Variants in ADGRE3 observed in about 807,000 individuals in gnomAD.
ADGRE3 encodes the protein EGF-like module receptor 3.
ADGRE3 carries 88 observed loss-of-function variants against 80.1 expected under a neutral mutation model. The ratio of observed to expected loss-of-function variants is 1.10; its 90% CI spans 0.93 to 1.31. The LOEUF (loss-of-function observed/expected upper bound fraction) is 1.31. ADGRE3 is among the 40% of genes most tolerant of loss of function. The pLI is 0.00. For missense variants in ADGRE3, 715 were observed against 776.5 expected (o/e 0.92, Z 0.94); for synonymous variants, 281 against 294.8 (o/e 0.95, Z 0.48).
intron 11 of ADGRE3, 93 bp from the exon 12 acceptor site, chr19:14,633,395 C>G (rs1470965773): frequency 3.0e-6 from 3 of 1,000,796 alleles, no homozygotes; most frequent in Non-Finnish European, 4.4e-6. Context: ...AGAATTGTTT[C>G]CAGTTTCTCT....
chr19:14,644,960 A>G (rs1221198694), intron 8 of ADGRE3, among the ~76,000 whole-genome samples: 7 of 152,126 alleles, frequency 4.6e-5, no homozygotes, highest in African/African-American at 1.4e-4. Context: ...TCCTGGCCTC[A>G]AGCAATCCTC....
At chr19:14,625,408 CAAAA>C (rs528213157) in intron 15 of ADGRE3, 80 bp downstream of exon 15, 2 of 937,498 alleles carry the variant, frequency 2.1e-6, no homozygotes, top group East Asian at 2.4e-5. Flanking sequence ...AACAAACAAA[CAAAA>C]AAATCCCAAA....
At chr19:14,626,264 G>A (rs1250010702) in intron 14 of ADGRE3, among the ~76,000 whole-genome samples, 1 of 151,914 alleles carries the variant, frequency 6.6e-6, no homozygotes, top group Non-Finnish European at 1.5e-5. Context: ...GTGAAACCCT[G>A]TCTCTACTAA....
intron 3 of ADGRE3, 99 bp downstream of exon 3, chr19:14,663,319 C>A: frequency 4.3e-6 from 3 of 701,556 alleles, no homozygotes; most frequent in Non-Finnish European, 5.7e-6. Flanking sequence ...GAGCTTTGAT[C>A]ATGCCACAGC....
intron 14 of ADGRE3, among the ~76,000 whole-genome samples, chr19:14,628,374 A>AGAG (rs34011539): frequency 0.5 from 74,960 of 151,210 alleles, 18,893 homozygotes; most frequent in Non-Finnish European, 0.53. Flanking sequence ...CCTGGGAGGC[A>AGAG]GTTGCAGTGA....
chr19:14,604,678 G>T, the ADGRE3 span, among the ~76,000 whole-genome samples: 1 of 151,734 alleles, frequency 6.6e-6, no homozygotes, highest in East Asian at 2.0e-4. Flanking sequence ...CAGGAAAATC[G>T]CTTGAACCTG....
chr19:14,636,092 T>TTCTTTCTTTCTTTCTCTC (rs1568481217), intron 11 of ADGRE3, among the ~76,000 whole-genome samples: 1 of 37,264 alleles, frequency 2.7e-5, no homozygotes, highest in African/African-American at 8.1e-5. Context: ...CTTTCTTTCT[T>TTCTTTCTTTCTTTCTCTC]TCTTTCTTTC....
intron 6 of ADGRE3, among the ~76,000 whole-genome samples, chr19:14,653,139 C>T (rs1016010647): frequency 2.3e-4 from 35 of 151,298 alleles, no homozygotes; most frequent in African/African-American, 7.8e-4. Flanking sequence ...TGCACCACCA[C>T]GCCTGGCTAA....
chr19:14,606,941 C>A, the ADGRE3 span: 2 of 999,946 alleles, frequency 2.0e-6, no homozygotes, highest in Non-Finnish European at 2.6e-6. Context: ...CAGGTCCTCA[C>A]CCTGAGGGTC....
At chr19:14,620,756 C>T (rs376778518) in intron 15 of ADGRE3, among the ~76,000 whole-genome samples, 9 of 148,990 alleles carry the variant, frequency 6.0e-5, no homozygotes, top group Non-Finnish European at 1.0e-4. Context: ...CACCACTACA[C>T]CTGGTTAATT....
rs375323518 is a variant in ADGRE3, at chr19:14,645,662, G to GA, written c.883-1388dup. Among the ~76,000 whole-genome samples the GA allele has an allele frequency of 3.8e-3, 506 of 133,744 alleles. 1 individual carries two copies. Among genetic ancestry groups the GA allele is most frequent in the Non-Finnish European group, 5.2e-3 (316 of 60,786 alleles). 87.7% of individuals were successfully genotyped at this position (133,744 alleles called of 152,430 possible). A position where few individuals can be genotyped will look rare whatever the true frequency, so the allele number is the denominator to read the frequency against. ...CGACAGAGACTCCGACTCAAAAAAA[G>GA]AAAAAAAAAAAAGAAAATAGAAAAA... is the stretch of plus-strand genomic sequence containing the variant. On this transcript the variant is annotated intron_variant, in intron 8 of 15. Coordinates refer to ENST00000253673, the MANE Select transcript of ADGRE3 (RefSeq NM_032571.5).
chr19:14,602,619 T>C, the ADGRE3 span, among the ~76,000 whole-genome samples: 2 of 152,178 alleles, frequency 1.3e-5, no homozygotes, highest in African/African-American at 4.8e-5. Flanking sequence ...ACCGTTTACA[T>C]TTAATATAAT....
At chr19:14,664,173 G>A (rs1226892097) in intron 2 of ADGRE3, among the ~76,000 whole-genome samples, 10 of 152,046 alleles carry the variant, frequency 6.6e-5, no homozygotes, top group Non-Finnish European at 4.4e-5. Flanking sequence ...TGTGGTGGCA[G>A]GTGCCTGTAA....
In ADGRE3 at chr19:14,619,452, T is replaced by C. The variant is rs778451446; in HGVS notation, c.1940A>G (p.Gln647Arg). The C allele has an allele frequency of 6.3e-7, 1 of 1,595,112 alleles. No homozygotes were observed. The highest frequency in any genetic ancestry group is 8.6e-7 in the Non-Finnish European group (1 of 1,163,174). ...KPSEGDVFPG[Q>R]VKRKY ...CTAGTTTTAATATTTTCTCTTCACT[T>C]GTCCTGGAAAAACATCCCCCTATAA... Residue 647 changes from glutamine (Q) to arginine (R), a missense_variant, in exon 16 of 16, where the codon CAA becomes CGA. Physicochemically the swap from Gln to Arg is conservative, Grantham distance 43. Coordinates refer to ENST00000253673, the MANE Select transcript of ADGRE3 (RefSeq NM_032571.5).
intron 7 of ADGRE3, among the ~76,000 whole-genome samples, chr19:14,649,489 T>A (rs1265398704): frequency 6.6e-6 from 1 of 150,976 alleles, no homozygotes; most frequent in African/African-American, 2.4e-5. Context: ...TTTTGATCTC[T>A]CTCTCCATCT....
Position 14,658,564 on chromosome 19 carries a change from C to G in ADGRE3, c.356-14G>C. The G allele has an allele frequency of 1.9e-6, 3 of 1,547,296 alleles. No individual in the cohort carries two copies. Among genetic ancestry groups the G allele is most frequent in the Non-Finnish European group, 1.7e-6 (2 of 1,145,528 alleles). On this transcript the variant is annotated splice_polypyrimidine_tract_variant and intron_variant, in intron 4 of 15. Coordinates refer to ENST00000253673, the MANE Select transcript of ADGRE3 (RefSeq NM_032571.5). ...AGGAGGTGGTGTCTGCAAAAGACAT[C>G]ATGATGGAGTTACTATTGGAACTGA...
chr19:14,613,184 C>T, the ADGRE3 span, among the ~76,000 whole-genome samples: 2 of 151,982 alleles, frequency 1.3e-5, no homozygotes, highest in African/African-American at 4.8e-5. Flanking sequence ...CCTCAGCCCC[C>T]TAAAGTGCTA....
intron 11 of ADGRE3, 104 bp downstream of exon 11, chr19:14,638,001 C>A: frequency 1.3e-6 from 1 of 797,046 alleles, no homozygotes; most frequent in Non-Finnish European, 2.1e-6. Context: ...TAAAGGAGAA[C>A]GTAGAGTGCA....
chr19:14,651,299 C>A, intron 6 of ADGRE3, 95 bp from the exon 7 acceptor site: 1 of 1,355,664 alleles, frequency 7.4e-7, no homozygotes, highest in Non-Finnish European at 1.0e-6. Context: ...CCTGTAGTCC[C>A]AACTACTCAA....
Sources: gnomAD v4.1 joint callset for allele counts (sites outside exome capture counted in the v4.1 genomes callset) on GRCh38, gnomAD v4.1.1 for gene constraint, MANE v1.5 for transcripts, NCBI Gene and HGNC (gene_info 2026-07-23, HGNC 2026-07-21) for gene names.